Variants in HMGA2 observed in about 807,000 individuals in gnomAD.
The protein encoded by HMGA2 is high mobility group AT-hook 2, also known as high mobility group protein HMGI-C.
HMGA2 carries 8 observed loss-of-function variants against 19.1 expected under a neutral mutation model. The observed-to-expected ratio is 0.42, with a 90% CI of 0.25 to 0.76. HMGA2 has a LOEUF of 0.76. Among genes scored for constraint, HMGA2 ranks in the 30% least tolerant of loss-of-function variants. The pLI is 0.28. For missense variants in HMGA2, 109 were observed against 136.3 expected, an observed-to-expected ratio of 0.80 and a Z score of 1.00; for synonymous variants, 60 against 48.8, an observed-to-expected ratio of 1.23 and a Z score of -0.96.
intron 3 of HMGA2, among the ~76,000 whole-genome samples, chr12:65,869,003 T>C (rs976968545): frequency 1.3e-5 from 2 of 152,196 alleles, no homozygotes; most frequent in Middle Eastern, 3.2e-3. Context: ...TTTCCTCTAC[T>C]TATGCTTTAA....
chr12:65,945,681 C>A (rs1876239935), intron 3 of HMGA2, among the ~76,000 whole-genome samples: 1 of 152,136 alleles, frequency 6.6e-6, no homozygotes, highest in Non-Finnish European at 1.5e-5. Context: ...CTTGATGGTT[C>A]ATGGCCATTT....
intron 3 of HMGA2, chr12:65,877,171 A>G (rs1873087082): frequency 6.6e-6 from 1 of 152,236 alleles, no homozygotes; most frequent in Admixed American, 6.5e-5. Context: ...AAGAAAAAAG[A>G]AAGGTTTTCT....
intron 1 of HMGA2, chr12:65,826,248 C>T (rs945947047): frequency 6.6e-6 from 1 of 152,310 alleles, no homozygotes; most frequent in Non-Finnish European, 1.5e-5. Flanking sequence ...AGGGGACGAT[C>T]GAGGGGCGCC....
At chr12:65,876,140 A>G (rs2121069628) in intron 3 of HMGA2, among the ~76,000 whole-genome samples, 1 of 152,254 alleles carries the variant, frequency 6.6e-6, no homozygotes, top group East Asian at 1.9e-4. Flanking sequence ...GGTACAGGTC[A>G]TTCCATTATA....
chr12:65,925,796 G>A (rs1482605102), intron 3 of HMGA2, among the ~76,000 whole-genome samples: 1 of 152,130 alleles, frequency 6.6e-6, no homozygotes, highest in Admixed American at 6.6e-5. Flanking sequence ...TCAGTTGTGT[G>A]CACTGACACG....
At chr12:65,841,823 A>G (rs1871010444) in intron 3 of HMGA2, among the ~76,000 whole-genome samples, 1 of 152,222 alleles carries the variant, frequency 6.6e-6, no homozygotes, top group Non-Finnish European at 1.5e-5. Flanking sequence ...CTACCGAGGA[A>G]TCCTCTGATC....
At chr12:65,930,738 TG>T (rs963269320) in intron 3 of HMGA2, among the ~76,000 whole-genome samples, 2 of 152,224 alleles carry the variant, frequency 1.3e-5, no homozygotes, top group African/African-American at 4.8e-5. Flanking sequence ...TTGGGGAAAT[TG>T]GTATTACGAG....
intron 3 of HMGA2, among the ~76,000 whole-genome samples, chr12:65,950,584 A>G (rs1286521731): frequency 1.3e-5 from 2 of 152,304 alleles, no homozygotes; most frequent in East Asian, 3.9e-4. Context: ...GGGAGTAACC[A>G]CTAATGGGTA....
intron 3 of HMGA2, among the ~76,000 whole-genome samples, chr12:65,869,777 T>G (rs574749987): frequency 2.6e-5 from 4 of 152,188 alleles, no homozygotes; most frequent in Non-Finnish European, 5.9e-5. Flanking sequence ...TTTAAAAACA[T>G]ATTTTATTGA....
At chr12:65,862,097 G>T (rs571345843) in intron 3 of HMGA2, among the ~76,000 whole-genome samples, 1 of 151,900 alleles carries the variant, frequency 6.6e-6, no homozygotes, top group African/African-American at 2.4e-5. Context: ...CACCCGCCTC[G>T]GCCTCCCAAA....
rs974503172 is a variant in HMGA2, at chr12:65,965,201, C to G, written c.*1909C>G. 5.0e-6 allele frequency: 1 copy of G among 200,054 alleles called. No homozygotes were observed. Among genetic ancestry groups the G allele is most frequent in the African/African-American group, 2.3e-5 (1 of 43,468 alleles). The allele number at this position is 200,054 out of a possible 1,614,324, so 12.4% of individuals were successfully genotyped here. A position where few individuals can be genotyped will look rare whatever the true frequency, so the allele number is the denominator to read the frequency against. On this transcript the variant is annotated 3_prime_UTR_variant, in exon 5 of 5. Coordinates refer to ENST00000403681, the MANE Select transcript of HMGA2 (RefSeq NM_003483.6). ...TGAGATGCAACAAGCCCTGCTTTTG[C>G]ATAATGCAATCAAAAATATGTGTTT...
At chr12:65,952,274 C>G in intron 4 of HMGA2, 1 of 976,768 alleles carries the variant, frequency 1.0e-6, no homozygotes, top group Non-Finnish European at 1.6e-6. Flanking sequence ...TTAAGTAGAA[C>G]TCTTTCATGT....
At chr12:65,952,349 T>C (rs991388799) in intron 4 of HMGA2, 1 of 1,533,564 alleles carries the variant, frequency 6.5e-7, no homozygotes, top group East Asian at 2.4e-5. Flanking sequence ...GCATCCTGTT[T>C]TCTTAGGTCA....
rs148714962 is a variant in HMGA2, at chr12:65,856,793, C to T, written c.249+18224C>T. ...TCCTTGGCTTTTAGATGCATTGCTC[C>T]ATTCTCTGCCTTGGTTGCCACATGG... On this transcript the variant is annotated intron_variant, in intron 3 of 4. Transcript: ENST00000403681. 177 of 152,312 alleles carry T rather than the reference C, an allele frequency of 1.2e-3. 1 individual carries two copies. The highest frequency in any genetic ancestry group is 1.8e-3 in the Non-Finnish European group (123 of 68,084). The allele number at this position is 152,312 out of a possible 1,614,324, so 9.4% of individuals were successfully genotyped here. A position where few individuals can be genotyped will look rare whatever the true frequency, so the allele number is the denominator to read the frequency against.
intron 3 of HMGA2, among the ~76,000 whole-genome samples, chr12:65,945,039 ATTTTT>A (rs879626036): frequency 6.9e-6 from 1 of 144,632 alleles, no homozygotes; most frequent in African/African-American, 2.5e-5. Context: ...TAGCCCTAAG[ATTTTT>A]TTTTTTTTAC....
chr12:65,907,314 G>T (rs1874635739), intron 3 of HMGA2, among the ~76,000 whole-genome samples: 2 of 151,408 alleles, frequency 1.3e-5, no homozygotes, highest in African/African-American at 4.9e-5. Context: ...GGAAGCTGAG[G>T]CAGGAGAATA....
At chr12:65,831,792 A>G (rs559926930) in intron 2 of HMGA2, among the ~76,000 whole-genome samples, 1 of 152,080 alleles carries the variant, frequency 6.6e-6, no homozygotes, top group African/African-American at 2.4e-5. Flanking sequence ...AGATAGTTTT[A>G]GTCACCATTT....
At chr12:65,840,476 C>G (rs375657660) in intron 3 of HMGA2, among the ~76,000 whole-genome samples, 1 of 152,270 alleles carries the variant, frequency 6.6e-6, no homozygotes, top group East Asian at 1.9e-4. Context: ...ACTGGATCAC[C>G]CATACATGGC....
At chr12:65,907,867 C>A (rs1874670969) in intron 3 of HMGA2, among the ~76,000 whole-genome samples, 1 of 152,086 alleles carries the variant, frequency 6.6e-6, no homozygotes, top group African/African-American at 2.4e-5. Flanking sequence ...CCTTCTACTG[C>A]TTCTGGGTGG....
Sources: allele counts gnomAD v4.1 joint callset (sites outside exome capture counted in the v4.1 genomes callset), GRCh38; gene constraint gnomAD v4.1.1; transcripts MANE v1.5; gene names NCBI Gene and HGNC (gene_info 2026-07-23, HGNC 2026-07-21).